THOC1: variants seen among roughly 807,000 people sequenced by gnomAD.
THOC1 encodes THO complex subunit 1.
In THOC1, 29 loss-of-function variants were observed where a neutral mutation model predicts 97.3. The observed-to-expected ratio is 0.30, with a 90% confidence interval of 0.22 to 0.41. The LOEUF (loss-of-function observed/expected upper bound fraction) is 0.41. THOC1 is among the 10% of genes least tolerant of loss of function. THOC1 has a pLI of 1.00. For missense variants in THOC1, 529 were observed against 761.9 expected (o/e 0.69, Z 3.60); for synonymous variants, 255 against 257.0 (o/e 0.99, Z 0.07).
chr18:219,945 G>C (rs905849374), intron 17 of THOC1, among the ~76,000 whole-genome samples: 1 of 152,070 alleles, frequency 6.6e-6, no homozygotes, highest in African/African-American at 2.4e-5. Context: ...TCTTGAATTT[G>C]TTTTTAGAAA....
chr18:215,729 C>G, intron 19 of THOC1: 1 of 465,336 alleles, frequency 2.1e-6, no homozygotes, highest in South Asian at 3.2e-5. Flanking sequence ...AGACTCCCCA[C>G]CCCCAATCTG....
chr18:260,148 A>C (rs1216552413), intron 5 of THOC1, 38 bp downstream of exon 5: 1 of 1,323,924 alleles, frequency 7.6e-7, no homozygotes, highest in Non-Finnish European at 1.0e-6. Flanking sequence ...GATCTATAGA[A>C]AGATAAAGTT....
intron 15 of THOC1, 84 bp downstream of exon 15, chr18:224,840 A>G (rs1911223059): frequency 6.4e-6 from 7 of 1,094,814 alleles, no homozygotes; most frequent in Non-Finnish European, 8.1e-6. Flanking sequence ...ACATGCTATA[A>G]TCATATCGGA....
At chr18:219,541 C>CT (rs1163463621) in intron 17 of THOC1, among the ~76,000 whole-genome samples, 1 of 152,214 alleles carries the variant, frequency 6.6e-6, no homozygotes, top group African/African-American at 2.4e-5. Context: ...TGGCCCCATA[C>CT]TTTTAGTTAC....
At chr18:251,801 A>C (rs1316127402) in intron 9 of THOC1, among the ~76,000 whole-genome samples, 1 of 152,220 alleles carries the variant, frequency 6.6e-6, no homozygotes, top group Non-Finnish European at 1.5e-5. Context: ...CTGCGCTCTG[A>C]GCTGCTGTGA....
chr18:249,145 C>A (rs1323610729), intron 9 of THOC1, among the ~76,000 whole-genome samples: 2 of 152,112 alleles, frequency 1.3e-5, no homozygotes, highest in Non-Finnish European at 2.9e-5. Context: ...TTTTAACTAA[C>A]AAAAATCTAA....
chr18:224,285 A>G (rs1911198487), intron 15 of THOC1, 106 bp from the exon 16 acceptor site: 2 of 944,142 alleles, frequency 2.1e-6, no homozygotes, highest in Non-Finnish European at 1.6e-6. Context: ...CCTCTTAAAA[A>G]AGATGAAAAC....
chr18:262,847 T>C (rs1245426257), intron 4 of THOC1, among the ~76,000 whole-genome samples: 1 of 146,516 alleles, frequency 6.8e-6, no homozygotes, highest in Non-Finnish European at 1.5e-5. Flanking sequence ...ACATATATTA[T>C]TTGAATTAAT....
chr18:215,977 C>T (rs1402454800), intron 19 of THOC1, among the ~76,000 whole-genome samples: 2 of 152,082 alleles, frequency 1.3e-5, no homozygotes, highest in South Asian at 2.1e-4. Flanking sequence ...TTTTTTGAGA[C>T]GGAGTCTTGC....
chr18:248,465 C>T (rs962102425), intron 9 of THOC1, among the ~76,000 whole-genome samples: 4 of 152,294 alleles, frequency 2.6e-5, no homozygotes, highest in African/African-American at 9.6e-5. Flanking sequence ...TGCTCCCTTA[C>T]CAGCCTTGGA....
rs563042825 is a variant in THOC1 at position 252,571 on chromosome 18, G to A, written c.645C>T (p.Gly215=). 19 of 1,608,826 alleles carry A rather than the reference G, an allele frequency of 1.2e-5. No homozygotes were observed. Among genetic ancestry groups the A allele is most frequent in the Middle Eastern group, 1.6e-4 (1 of 6,066 alleles). The change falls in exon 9 of 21, where the codon GGC becomes GGT. Residue 215 remains glycine, a synonymous_variant. Transcript: ENST00000261600. ...TTGGAGCTTCCTCGTCTCCCATTTCGCCTTCTTCTACATCCATTCCTTCTT... is the reference window on the plus strand; with the variant it reads ...TTGGAGCTTCCTCGTCTCCCATTTCACCTTCTTCTACATCCATTCCTTCTT... ...DREEGMDVEE[G]EMGDEEAPTT...
At chr18:264,214 T>A in intron 3 of THOC1, 122 bp from the exon 4 acceptor site, 1 of 644,376 alleles carries the variant, frequency 1.6e-6, no homozygotes, top group Middle Eastern at 3.7e-4. Context: ...CAATATTTCT[T>A]ATAGAAAACA....
At chr18:267,153 G>A (rs1026333435) in intron 1 of THOC1, among the ~76,000 whole-genome samples, 1 of 152,100 alleles carries the variant, frequency 6.6e-6, no homozygotes, top group African/African-American at 2.4e-5. Context: ...AAATGTTGGT[G>A]CAAATGCTAG....
Position 232,259 on chromosome 18 carries a change from C to T in THOC1, c.919-5358G>A, listed in dbSNP as rs550776758. On this transcript the variant is annotated intron_variant, in intron 11 of 20. Coordinates refer to ENST00000261600, the MANE Select transcript of THOC1 (RefSeq NM_005131.3). Reference sequence around the variant, plus strand: ...TACAGGCATATGCCACCACACTCAGCTCATTTTAAAATTTTTTTGTAGAGA... The same window carrying T: ...TACAGGCATATGCCACCACACTCAGTTCATTTTAAAATTTTTTTGTAGAGA... Among the ~76,000 whole-genome samples, 11 of 152,200 alleles carry T rather than the reference C, an allele frequency of 7.2e-5. No individual in the cohort carries two copies. In the South Asian group the frequency reaches 2.3e-3, roughly 32 times the overall value.
intron 11 of THOC1, chr18:245,465 G>T (rs188036286): frequency 1.3e-5 from 2 of 152,204 alleles, no homozygotes; most frequent in African/African-American, 4.8e-5. Flanking sequence ...TGAGCAAGCA[G>T]ATGGACACAA....
intron 11 of THOC1, among the ~76,000 whole-genome samples, chr18:239,460 A>C (rs1184253925): frequency 6.6e-6 from 1 of 152,012 alleles, no homozygotes; most frequent in Non-Finnish European, 1.5e-5. Context: ...ACCTGCCACC[A>C]CGCCCGGCTA....
At chr18:263,653 T>A (rs1418055118) in intron 4 of THOC1, 1 of 166,798 alleles carries the variant, frequency 6.0e-6, no homozygotes, top group Middle Eastern at 2.8e-3. Context: ...CCATAGTACT[T>A]ACACCATAGT....
chr18:264,011 CG>C lies in THOC1; in HGVS notation c.256+14del. On this transcript the variant is annotated intron_variant, in intron 4 of 20. Transcript: ENST00000261600. ...CAAGATTACTTTAAACAAAACAAAA[CG>C]GAACCATACTTACCTTCAGTTACTC... is the stretch of plus-strand genomic sequence containing the variant. The C allele has an allele frequency of 6.3e-7, 1 of 1,596,660 alleles. No individual in the cohort carries two copies. Among genetic ancestry groups the C allele is most frequent in the Non-Finnish European group, 8.6e-7 (1 of 1,167,560 alleles).
At position 228,346 on chromosome 18, in the gene THOC1, G is replaced by A. The variant is rs16955975; in HGVS notation, c.919-1445C>T. ...ACCGAGACTTTAAGGCCCTTGACCCGTCTATTCTCTGCCTGTTAGTCCCAT... is the reference window on the plus strand; with the variant it reads ...ACCGAGACTTTAAGGCCCTTGACCCATCTATTCTCTGCCTGTTAGTCCCAT... On this transcript the variant is annotated intron_variant, in intron 11 of 20. Transcript: ENST00000261600. Among the ~76,000 whole-genome samples the A allele has an allele frequency of 3.6e-3, 549 of 151,664 alleles. 1 individual carries two copies. The highest frequency in any genetic ancestry group is 0.012 in the African/African-American group (507 of 41,362).
Sources: gnomAD v4.1 joint callset for allele counts (sites outside exome capture counted in the v4.1 genomes callset) on GRCh38, gnomAD v4.1.1 for gene constraint, MANE v1.5 for transcripts, NCBI Gene and HGNC (gene_info 2026-07-23, HGNC 2026-07-21) for gene names.